Variants in PFKFB3 observed in about 807,000 individuals in gnomAD.
The protein encoded by PFKFB3 is 6-phosphofructo-2-kinase/fructose-2,6-bisphosphatase 3.
PFKFB3 carries 33 observed loss-of-function variants against 68.0 expected under a neutral mutation model. The ratio of observed to expected loss-of-function variants is 0.49; its 90% CI spans 0.37 to 0.65. The LOEUF (loss-of-function observed/expected upper bound fraction) is 0.65. Among genes scored for constraint, PFKFB3 ranks in the 30% least tolerant of loss-of-function variants. The probability of loss-of-function intolerance (pLI) is 0.00; values close to 1 mark genes in which losing one functional copy is unlikely to be tolerated. For synonymous variants in PFKFB3, 315 were observed against 288.2 expected, an observed-to-expected ratio of 1.09 and a Z score of -0.94; for missense variants, 586 against 712.2, an observed-to-expected ratio of 0.82 and a Z score of 2.02.
chr10:6,230,117 C>T (rs1468273918), intron 14 of PFKFB3, among the ~76,000 whole-genome samples: 1 of 152,206 alleles, frequency 6.6e-6, no homozygotes, highest in Non-Finnish European at 1.5e-5. Context: ...GCTGATCTTA[C>T]CTATCTCCAA....
chr10:6,265,713 A>G, the PFKFB3 span, among the ~76,000 whole-genome samples: 1 of 152,152 alleles, frequency 6.6e-6, no homozygotes, highest in Non-Finnish European at 1.5e-5. Context: ...TGGTGCCACG[A>G]AGACATCCTA....
chr10:6,156,982 C>T lies in PFKFB3; in HGVS notation c.16+11969C>T, dbSNP rs1453821018. Among the ~76,000 whole-genome samples, 4 of 150,926 alleles carry T rather than the reference C, an allele frequency of 2.7e-5. No individual in the cohort carries two copies. In the East Asian group the frequency reaches 8.5e-4, roughly 32 times the overall value. On this transcript the variant is annotated intron_variant, in intron 1 of 14. Coordinates refer to the PFKFB3 transcript ENST00000379789. The stretch of plus-strand genomic sequence containing the variant: ...TGGCAGGCACCTGTCATCCCAGCTA[C>T]TTGGGAGGCTGAGGCAGGAGAATCG...
chr10:6,225,476 C>T (rs1030191435), intron 13 of PFKFB3, among the ~76,000 whole-genome samples: 9 of 152,298 alleles, frequency 5.9e-5, no homozygotes, highest in Middle Eastern at 3.4e-3. Flanking sequence ...CCACTGCCCC[C>T]GCTATGGGAT....
chr10:6,230,623 C>T (rs920762792), intron 14 of PFKFB3, among the ~76,000 whole-genome samples: 4 of 151,932 alleles, frequency 2.6e-5, no homozygotes, highest in African/African-American at 9.7e-5. Context: ...CTTTGGATAC[C>T]CTCCTGTAAC....
the PFKFB3 span, among the ~76,000 whole-genome samples, chr10:6,316,248 C>G: frequency 6.6e-6 from 1 of 151,956 alleles, no homozygotes; most frequent in Admixed American, 6.6e-5. Flanking sequence ...TCTAGGAGCT[C>G]CTTCCCGATC....
the PFKFB3 span, among the ~76,000 whole-genome samples, chr10:6,313,188 T>C: frequency 6.6e-6 from 1 of 152,262 alleles, no homozygotes; most frequent in Non-Finnish European, 1.5e-5. This position sits in a 1 kb window ranked among gnomAD's most constrained non-coding sequence, Gnocchi z 4.2. Context: ...CATGATTTCA[T>C]AGCTGCCTAC....
At chr10:6,256,684 T>C (rs1184496399), downstream of PFKFB3, among the ~76,000 whole-genome samples, 1 of 152,204 alleles carries the variant, frequency 6.6e-6, no homozygotes, top group African/African-American at 2.4e-5. Flanking sequence ...AGCTTCTGCA[T>C]TTTGCAATCC....
chr10:6,145,555 C>A (rs1434104406), intron 1 of PFKFB3, among the ~76,000 whole-genome samples: 1 of 152,154 alleles, frequency 6.6e-6, no homozygotes, highest in Non-Finnish European at 1.5e-5. Flanking sequence ...GATTGGTGGG[C>A]TCGGGGGCAC....
the PFKFB3 span, among the ~76,000 whole-genome samples, chr10:6,273,229 T>C: frequency 5.3e-5 from 8 of 152,058 alleles, no homozygotes; most frequent in East Asian, 1.5e-3. Flanking sequence ...ACAGATGTGA[T>C]CCATATTCTC....
At chr10:6,159,950 G>T (rs1349114737) in intron 1 of PFKFB3, among the ~76,000 whole-genome samples, 1 of 151,168 alleles carries the variant, frequency 6.6e-6, no homozygotes, top group Admixed American at 6.6e-5. Context: ...ATAGAGACGA[G>T]GTCTTGCCAT....
At chr10:6,294,672 T>C in the PFKFB3 span, 1 of 162,496 alleles carries the variant, frequency 6.2e-6, no homozygotes, top group Admixed American at 6.0e-5. Flanking sequence ...CTTTGAGAGA[T>C]GGAGAGAGAT....
the PFKFB3 span, among the ~76,000 whole-genome samples, chr10:6,317,443 A>C: frequency 1.3e-3 from 193 of 152,308 alleles, no homozygotes; most frequent in African/African-American, 4.3e-3. Flanking sequence ...TGATGACTGA[A>C]AAGGGTGTAG....
At chr10:6,272,176 G>T in the PFKFB3 span, among the ~76,000 whole-genome samples, 1 of 152,240 alleles carries the variant, frequency 6.6e-6, no homozygotes, top group Non-Finnish European at 1.5e-5. Context: ...GACAGGGGCT[G>T]TAACTGTCTA....
chr10:6,236,969 GT>G (rs1436989062), downstream of PFKFB3, among the ~76,000 whole-genome samples: 1 of 152,176 alleles, frequency 6.6e-6, no homozygotes. Context: ...CACACCAGTC[GT>G]TTCCATTCGC....
At chr10:6,245,863 T>G (rs1846245713) in intron 14 of PFKFB3, 1 of 152,266 alleles carries the variant, frequency 6.6e-6, no homozygotes, top group Non-Finnish European at 1.5e-5. Flanking sequence ...TAAAACTACT[T>G]ACCTGGAAAG....
At chr10:6,246,964 C>T (rs184374181) in intron 14 of PFKFB3, among the ~76,000 whole-genome samples, 3 of 152,336 alleles carry the variant, frequency 2.0e-5, no homozygotes, top group Non-Finnish European at 2.9e-5. Flanking sequence ...GAGGCTGGTG[C>T]GGCGCCCTTG....
intron 14 of PFKFB3, among the ~76,000 whole-genome samples, chr10:6,230,529 G>T (rs1357907562): frequency 1.3e-5 from 2 of 152,068 alleles, no homozygotes. Context: ...AGTGCGTGGG[G>T]GATGACGGCT....
downstream of PFKFB3, among the ~76,000 whole-genome samples, chr10:6,255,684 G>A (rs930941251): frequency 2.4e-4 from 36 of 152,286 alleles, no homozygotes; most frequent in African/African-American, 8.2e-4. Flanking sequence ...GTTGTCGGCT[G>A]TGTGAAGGTG....
chr10:6,179,104 A>G (rs946245168), intron 1 of PFKFB3, among the ~76,000 whole-genome samples: 21 of 152,400 alleles, frequency 1.4e-4, no homozygotes, highest in African/African-American at 5.0e-4. Flanking sequence ...GCTAGTATTC[A>G]TTTAACAGCT....
Sources: gnomAD v4.1 joint callset for allele counts (sites outside exome capture counted in the v4.1 genomes callset) on GRCh38, gnomAD v4.1.1 for gene constraint, Gnocchi (gnomAD v3.1) non-coding constraint, MANE v1.5 for transcripts, NCBI Gene and HGNC (gene_info 2026-07-23, HGNC 2026-07-21) for gene names.